The following MTMR9 variants were observed in gnomAD, a reference collection of about 807,000 sequenced individuals.
The protein encoded by MTMR9 is myotubularin-related protein 9.
MTMR9 carries 39 observed loss-of-function variants against 69.5 expected under a neutral mutation model. The ratio of observed to expected loss-of-function variants is 0.56; its 90% CI spans 0.43 to 0.73. MTMR9 has a LOEUF of 0.73. Among genes scored for constraint, MTMR9 ranks in the 30% least tolerant of loss-of-function variants. The probability of loss-of-function intolerance (pLI) is 0.00; values close to 1 mark genes in which losing one functional copy is unlikely to be tolerated. For synonymous variants in MTMR9, 354 were observed against 240.8 expected, an observed-to-expected ratio of 1.47 and a Z score of -4.35; for missense variants, 900 against 671.2, an observed-to-expected ratio of 1.34 and a Z score of -3.77.
At chr8:11,334,708 C>G in the MTMR9 span, among the ~76,000 whole-genome samples, 3 of 151,968 alleles carry the variant, frequency 2.0e-5, no homozygotes, top group South Asian at 6.2e-4. Context: ...AGAAGGCAGA[C>G]AATGACGGAA....
intron 9 of MTMR9, chr8:11,321,679 A>G (rs146671342): frequency 2.3e-5 from 7 of 309,244 alleles, no homozygotes; most frequent in Non-Finnish European, 4.6e-5. Context: ...CTTCGGCCTT[A>G]AAATATCTCT....
intron 2 of MTMR9, chr8:11,297,894 G>A (rs1379316160): frequency 2.2e-6 from 1 of 456,174 alleles, no homozygotes; most frequent in South Asian, 1.5e-5. Flanking sequence ...CCTTTTCCTG[G>A]CACAGAATCC....
At chr8:11,315,557 A>G (rs917686686) in intron 7 of MTMR9, among the ~76,000 whole-genome samples, 2 of 152,250 alleles carry the variant, frequency 1.3e-5, no homozygotes, top group African/African-American at 4.8e-5. Flanking sequence ...TATCCTCCAC[A>G]GAGATTACTT....
chr8:11,330,633 T>G (rs1378640774), downstream of MTMR9, among the ~76,000 whole-genome samples: 2 of 152,216 alleles, frequency 1.3e-5, no homozygotes, highest in Non-Finnish European at 2.9e-5. Context: ...CCCTGTGCTC[T>G]CTGGGGCATG....
Position 11,316,946 on chromosome 8 carries a change from TC to T in MTMR9, c.1334+55del. 3 of 1,268,674 alleles carry T rather than the reference TC, an allele frequency of 2.4e-6. No individual in the cohort carries two copies. The South Asian group carries it at 4.6e-5, about 20-fold the overall frequency. The allele number at this position is 1,268,674 out of a possible 1,614,324, so 78.6% of individuals were successfully genotyped here. On this transcript the variant is annotated intron_variant, in intron 8 of 9. Coordinates refer to ENST00000221086, the MANE Select transcript of MTMR9 (RefSeq NM_015458.4). The stretch of plus-strand genomic sequence containing the variant: ...TTCCTTTTCCGTTGTTTTGGCTACT[TC>T]CTAAGTAGCCAGAATCTCCTAGGAG...
intron 2 of MTMR9, among the ~76,000 whole-genome samples, chr8:11,295,817 T>A (rs1423689505): frequency 1.3e-5 from 2 of 152,178 alleles, no homozygotes; most frequent in Admixed American, 1.3e-4. Context: ...TAGATACAGT[T>A]AGAATTGCTT....
chr8:11,315,203 A>C (rs1312446899), intron 7 of MTMR9, 139 bp downstream of exon 7: 3 of 1,040,134 alleles, frequency 2.9e-6, no homozygotes, highest in African/African-American at 3.2e-5. Flanking sequence ...CAGGACAGTT[A>C]ATCTGTCTTC....
At chr8:11,338,592 G>C in the MTMR9 span, among the ~76,000 whole-genome samples, 1 of 152,204 alleles carries the variant, frequency 6.6e-6, no homozygotes, top group Non-Finnish European at 1.5e-5. Flanking sequence ...GCGATCTGTG[G>C]TAATGGCCAA....
chr8:11,311,611 G>A (rs1442899405), intron 6 of MTMR9, among the ~76,000 whole-genome samples: 1 of 152,148 alleles, frequency 6.6e-6, no homozygotes, highest in Non-Finnish European at 1.5e-5. Flanking sequence ...GAGGTTATTG[G>A]CCCTGGTAGA....
intron 3 of MTMR9, among the ~76,000 whole-genome samples, chr8:11,302,793 A>G (rs989578680): frequency 2.0e-5 from 3 of 152,170 alleles, no homozygotes; most frequent in African/African-American, 4.8e-5. Flanking sequence ...GCTTGTCTAC[A>G]TAGGAAAAGG....
chr8:11,291,137 T>C (rs1216119018), intron 1 of MTMR9, among the ~76,000 whole-genome samples: 1 of 152,110 alleles, frequency 6.6e-6, no homozygotes, highest in Non-Finnish European at 1.5e-5. Context: ...CCACAGACTT[T>C]ATACAATTTT....
chr8:11,295,048 C>T (rs1453322391), intron 1 of MTMR9, 146 bp from the exon 2 acceptor site: 1 of 497,552 alleles, frequency 2.0e-6, no homozygotes. Flanking sequence ...TTTAATGATG[C>T]AGCCTTGCTT....
At chr8:11,321,142 A>G (rs1392723473) in intron 9 of MTMR9, 1 of 171,166 alleles carries the variant, frequency 5.8e-6, no homozygotes, top group African/African-American at 2.4e-5. Flanking sequence ...CTTCCACCTC[A>G]GTTCATGCTT....
intron 6 of MTMR9, among the ~76,000 whole-genome samples, chr8:11,313,714 C>T (rs1800296701): frequency 6.6e-6 from 1 of 152,168 alleles, no homozygotes; most frequent in Non-Finnish European, 1.5e-5. Flanking sequence ...ACACACACAG[C>T]ATTTGTTGAT....
intron 5 of MTMR9, 99 bp from the exon 6 acceptor site, chr8:11,309,428 C>G: frequency 1.0e-6 from 1 of 996,838 alleles, no homozygotes. Flanking sequence ...TTTTGAACTA[C>G]TTTTGCTCTT....
chr8:11,310,767 G>GTT (rs144642434), intron 6 of MTMR9, among the ~76,000 whole-genome samples: 1 of 151,714 alleles, frequency 6.6e-6, no homozygotes, highest in African/African-American at 2.4e-5. Context: ...AGAGGCTTCT[G>GTT]TTTTTTTTAT....
In MTMR9 at chr8:11,319,821, G is replaced by A. The variant is rs1212461915; in HGVS notation, c.1469G>A (p.Ser490Asn). 6.2e-7 allele frequency: 1 copy of A among 1,614,014 alleles called. No individual in the cohort carries two copies. Among genetic ancestry groups the A allele is most frequent in the Non-Finnish European group, 8.5e-7 (1 of 1,180,010 alleles). The change falls in exon 9 of 10, where the codon AGT becomes AAT. Residue 490 changes from serine to asparagine, a missense_variant. Coordinates refer to ENST00000221086, the MANE Select transcript of MTMR9 (RefSeq NM_015458.4). ...ATCTGGCCTTCAGTTGCTCCGCAGA[G>A]TCTTCCACTGTGGGAAGGTAAACCA... ...LVIWPSVAPQ[S>N]LPLWEGIFLR...
rs1436310752 is a variant in MTMR9 at position 11,326,120 on chromosome 8, T to C, written c.*3332T>C. ...TCATGGAAAAGATATGACCATAATT[T>C]AGTCTCCTCAAGTGAAAAACAGGAG... On this transcript the variant is annotated 3_prime_UTR_variant, in exon 10 of 10. Coordinates refer to ENST00000221086, the MANE Select transcript of MTMR9 (RefSeq NM_015458.4). The C allele has an allele frequency of 6.6e-6, 1 of 152,244 alleles. No homozygotes were observed. The highest frequency in any genetic ancestry group is 1.5e-5 in the Non-Finnish European group (1 of 68,040). 9.4% of individuals were successfully genotyped at this position (152,244 alleles called of 1,614,324 possible).
At chr8:11,331,140 G>C (rs543368582), downstream of MTMR9, 3 of 1,607,972 alleles carry the variant, frequency 1.9e-6, no homozygotes, top group Admixed American at 5.1e-5. Flanking sequence ...CAACCTGCCT[G>C]ACTCCACACA....
Sources: allele counts gnomAD v4.1 joint callset (sites outside exome capture counted in the v4.1 genomes callset), GRCh38; gene constraint gnomAD v4.1.1; transcripts MANE v1.5; gene names NCBI Gene and HGNC (gene_info 2026-07-23, HGNC 2026-07-21).